Variants in B3GALT1 observed in about 807,000 individuals in gnomAD.
The protein encoded by B3GALT1 is beta-1,3-galactosyltransferase 1.
B3GALT1 carries 10 observed loss-of-function variants against 23.2 expected under a neutral mutation model. The observed-to-expected ratio is 0.43, with a 90% CI of 0.27 to 0.73. The LOEUF is 0.73. Among genes scored for constraint, B3GALT1 ranks in the 30% least tolerant of loss-of-function variants. The pLI is 0.21. For synonymous variants in B3GALT1, 156 were observed against 141.5 expected, an observed-to-expected ratio of 1.10 and a Z score of -0.73; for missense variants, 299 against 405.4, an observed-to-expected ratio of 0.74 and a Z score of 2.25.
rs1387153272 is a variant in B3GALT1 at position 167,293,019 on chromosome 2, G to A, written c.-826G>A. ...CGAGGCCAGAGCCATCGCCGGGGAA[G>A]CGCAGCCGGGCTCGGGTGCTTCGGC... On this transcript the variant is annotated 5_prime_UTR_variant, in exon 1 of 5. Coordinates refer to ENST00000392690, the MANE Select transcript of B3GALT1 (RefSeq NM_020981.4). 6.6e-6 allele frequency among the ~76,000 whole-genome samples: 1 copy of A among 151,936 alleles called. No homozygotes were observed. Among genetic ancestry groups the A allele is most frequent in the African/African-American group, 2.4e-5 (1 of 41,414 alleles).
In B3GALT1 at chr2:167,872,090, G is replaced by C. The variant is rs1406628648; in HGVS notation, c.*2070G>C. The C allele has an allele frequency of 1.3e-5, 2 of 151,090 alleles. No individual in the cohort carries two copies. Among genetic ancestry groups the C allele is most frequent in the Non-Finnish European group, 3.0e-5 (2 of 67,754 alleles). The allele number at this position is 151,090 out of a possible 1,614,324, so 9.4% of individuals were successfully genotyped here. A position where few individuals can be genotyped will look rare whatever the true frequency, so the allele number is the denominator to read the frequency against. On this transcript the variant is annotated 3_prime_UTR_variant, in exon 5 of 5. Transcript: ENST00000392690. ...CTAATTTTTTTGTATTTTTAGTAGA[G>C]ACGGGGTTTCACCGTGTTAGCCAGG...
intron 3 of B3GALT1, among the ~76,000 whole-genome samples, chr2:167,770,504 TA>T: frequency 6.6e-6 from 1 of 152,230 alleles, no homozygotes; most frequent in African/African-American, 2.4e-5. Flanking sequence ...GTTCTTTAGA[TA>T]TTCTGCGTAT....
chr2:167,643,553 C>T (rs1458773515), intron 2 of B3GALT1, among the ~76,000 whole-genome samples: 1 of 152,084 alleles, frequency 6.6e-6, no homozygotes, highest in Non-Finnish European at 1.5e-5. Flanking sequence ...TGACCCAGAC[C>T]ACTGATAATA....
intron 1 of B3GALT1, among the ~76,000 whole-genome samples, chr2:167,371,889 T>G (rs1195966587): frequency 6.6e-6 from 1 of 151,900 alleles, no homozygotes; most frequent in Non-Finnish European, 1.5e-5. Flanking sequence ...CTTAAAACAT[T>G]TGCTGACATA....
intron 2 of B3GALT1, among the ~76,000 whole-genome samples, chr2:167,635,017 C>T (rs1399960874): frequency 6.6e-6 from 1 of 152,274 alleles, no homozygotes. Flanking sequence ...AAATTGGCTT[C>T]ATCCCTGGGA....
intron 1 of B3GALT1, among the ~76,000 whole-genome samples, chr2:167,451,823 T>A (rs1281960157): frequency 6.6e-6 from 1 of 152,166 alleles, no homozygotes; most frequent in Admixed American, 6.5e-5. Context: ...GGGTGATGTA[T>A]GTCTGAGCTC....
At chr2:167,373,390 T>C (rs1697714463) in intron 1 of B3GALT1, among the ~76,000 whole-genome samples, 1 of 152,062 alleles carries the variant, frequency 6.6e-6, no homozygotes, top group Non-Finnish European at 1.5e-5. Context: ...CATCTGCTCT[T>C]TGAAAGACAA....
chr2:167,854,608 C>T (rs370489733), intron 4 of B3GALT1, among the ~76,000 whole-genome samples: 23 of 152,222 alleles, frequency 1.5e-4, no homozygotes, highest in African/African-American at 5.5e-4. Flanking sequence ...ATGCTGCTCA[C>T]TTCTCCATCT....
intron 2 of B3GALT1, among the ~76,000 whole-genome samples, chr2:167,509,927 G>A (rs942136707): frequency 6.6e-6 from 1 of 151,572 alleles, no homozygotes; most frequent in Non-Finnish European, 1.5e-5. Context: ...GAAGTTGAGA[G>A]CATTTGGAAA....
chr2:167,807,080 A>G (rs1168304434), intron 3 of B3GALT1, among the ~76,000 whole-genome samples: 2 of 151,514 alleles, frequency 1.3e-5, no homozygotes, highest in African/African-American at 4.9e-5. Flanking sequence ...CATTTCTTCT[A>G]GATTTTCTAG....
rs146664333 is a variant in B3GALT1, at chr2:167,803,962, C to T, written c.-351-14710C>T. Among the ~76,000 whole-genome samples the T allele has an allele frequency of 9.2e-5, 14 of 152,184 alleles. No homozygotes were observed. In the East Asian group the frequency reaches 1.9e-3, roughly 21 times the overall value. ...TTTTTCCAGGGGAATATGTATTGCA[C>T]GAAGTATACACATATTTGCCCTGAT... On this transcript the variant is annotated intron_variant, in intron 3 of 4. Transcript: ENST00000392690.
chr2:167,641,604 G>A (rs74402375), intron 2 of B3GALT1, among the ~76,000 whole-genome samples: 1 of 152,092 alleles, frequency 6.6e-6, no homozygotes, highest in Non-Finnish European at 1.5e-5. Context: ...GCTTATTTTT[G>A]CAGTGGCATT....
intron 1 of B3GALT1, among the ~76,000 whole-genome samples, chr2:167,341,314 A>C (rs1574040020): frequency 6.6e-6 from 1 of 152,320 alleles, no homozygotes; most frequent in South Asian, 2.1e-4. Flanking sequence ...ATGCACTTCA[A>C]ATATTTGTTT....
chr2:167,771,248 T>C (rs1688067782), intron 3 of B3GALT1, among the ~76,000 whole-genome samples: 1 of 152,210 alleles, frequency 6.6e-6, no homozygotes, highest in Admixed American at 6.5e-5. Context: ...AAGAGTTATT[T>C]TCTCCCTTTT....
chr2:167,600,641 G>C (rs1684858729), intron 2 of B3GALT1, among the ~76,000 whole-genome samples: 1 of 152,112 alleles, frequency 6.6e-6, no homozygotes, highest in African/African-American at 2.4e-5. Context: ...TGTAATGTGT[G>C]ATCTTTTGTG....
intron 1 of B3GALT1, among the ~76,000 whole-genome samples, chr2:167,304,692 A>C (rs1397983477): frequency 2.0e-5 from 3 of 151,958 alleles, no homozygotes; most frequent in Non-Finnish European, 2.9e-5. Flanking sequence ...AGAGGGAGAG[A>C]CTATAAGAAT....
chr2:167,572,412 G>A (rs571331030), intron 2 of B3GALT1, among the ~76,000 whole-genome samples: 5 of 151,742 alleles, frequency 3.3e-5, no homozygotes, highest in Non-Finnish European at 5.9e-5. Flanking sequence ...TCCAGAAAAC[G>A]TTTTTCAGAT....
intron 1 of B3GALT1, among the ~76,000 whole-genome samples, chr2:167,445,456 A>C (rs1698966895): frequency 6.6e-6 from 1 of 152,152 alleles, no homozygotes; most frequent in African/African-American, 2.4e-5. Flanking sequence ...TCTAATGTTG[A>C]CAGTGGGGTG....
intron 3 of B3GALT1, among the ~76,000 whole-genome samples, chr2:167,652,757 C>T (rs1452307888): frequency 2.0e-5 from 3 of 152,172 alleles, no homozygotes; most frequent in Admixed American, 6.6e-5. Flanking sequence ...ACCCATGTCT[C>T]ATTCATCTTT....
Sources: gnomAD v4.1 joint callset for allele counts (sites outside exome capture counted in the v4.1 genomes callset) on GRCh38, gnomAD v4.1.1 for gene constraint, MANE v1.5 for transcripts, NCBI Gene and HGNC (gene_info 2026-07-23, HGNC 2026-07-21) for gene names.